ADAMTSL1: variants seen among roughly 807,000 people sequenced by gnomAD.
ADAMTSL1 encodes ADAMTS-like protein 1.
A neutral mutation model predicts 201.8 loss-of-function variants in ADAMTSL1; 126 were observed. The observed-to-expected ratio is 0.62, with a 90% CI of 0.54 to 0.72. ADAMTSL1 has a LOEUF of 0.72. Ranked by LOEUF, ADAMTSL1 falls within the 30% of genes least tolerant of loss-of-function variation. The probability of loss-of-function intolerance (pLI) is 0.00; values close to 1 mark genes in which losing one functional copy is unlikely to be tolerated. For missense variants in ADAMTSL1, 2,679 were observed against 2,277.8 expected (o/e 1.18, Z -3.59); for synonymous variants, 1,121 against 903.4 (o/e 1.24, Z -4.32).
intron 5 of ADAMTSL1, among the ~76,000 whole-genome samples, chr9:18,628,504 G>A (rs575736748): frequency 1.3e-5 from 2 of 152,248 alleles, no homozygotes; most frequent in South Asian, 2.1e-4. Flanking sequence ...AAATGTGGTA[G>A]TGTGATTTCT....
rs1437787403 is a variant in ADAMTSL1 at position 18,248,040 on chromosome 9, T to C, written c.207+84059T>C. On this transcript the variant is annotated intron_variant, in intron 2 of 29. Coordinates refer to the ADAMTSL1 transcript ENST00000680146. Reference sequence around the variant, plus strand: ...CTTATCTGTGGTTCATTCAAAAGGTTTCTCATTTGTGTACTGGCTGGGTGT... The same window carrying C: ...CTTATCTGTGGTTCATTCAAAAGGTCTCTCATTTGTGTACTGGCTGGGTGT... Among the ~76,000 whole-genome samples the C allele has an allele frequency of 2.6e-5, 4 of 152,140 alleles. No homozygotes were observed. In the East Asian group the frequency reaches 5.8e-4, roughly 22 times the overall value.
chr9:18,290,357 A>G (rs577375135), intron 2 of ADAMTSL1, among the ~76,000 whole-genome samples: 81 of 151,898 alleles, frequency 5.3e-4, no homozygotes, highest in African/African-American at 1.9e-3. Flanking sequence ...GAGAAGGGAC[A>G]GTGAGGAGAC....
At chr9:18,884,653 C>G (rs1354402824) in intron 23 of ADAMTSL1, among the ~76,000 whole-genome samples, 2 of 152,150 alleles carry the variant, frequency 1.3e-5, no homozygotes, top group Non-Finnish European at 2.9e-5. Flanking sequence ...GTTGGCAAGA[C>G]TGTCCTTTCC....
intron 1 of ADAMTSL1, among the ~76,000 whole-genome samples, chr9:17,929,705 G>A (rs1453795036): frequency 1.3e-5 from 2 of 152,102 alleles, no homozygotes; most frequent in Non-Finnish European, 2.9e-5. Context: ...ATTACTTTAT[G>A]TTCATCTGTC....
chr9:18,170,214 C>T (rs1827828239), intron 2 of ADAMTSL1, among the ~76,000 whole-genome samples: 1 of 151,982 alleles, frequency 6.6e-6, no homozygotes, highest in South Asian at 2.1e-4. Flanking sequence ...TTTCATATAA[C>T]TTCACATTTT....
intron 2 of ADAMTSL1, among the ~76,000 whole-genome samples, chr9:18,464,200 A>G (rs1820915241): frequency 6.6e-6 from 1 of 152,224 alleles, no homozygotes; most frequent in Non-Finnish European, 1.5e-5. Context: ...ATTAACTTGA[A>G]TTTCTGAGCC....
At chr9:18,876,687 C>T (rs1828181743) in intron 23 of ADAMTSL1, among the ~76,000 whole-genome samples, 1 of 152,112 alleles carries the variant, frequency 6.6e-6, no homozygotes, top group Non-Finnish European at 1.5e-5. Context: ...TCTTTAGATT[C>T]TTTCCTTTGT....
At chr9:18,670,136 T>C (rs931025086) in intron 9 of ADAMTSL1, among the ~76,000 whole-genome samples, 20 of 152,340 alleles carry the variant, frequency 1.3e-4, no homozygotes, top group Admixed American at 9.2e-4. Flanking sequence ...ACCCTTCTAC[T>C]ACACACAATT....
intron 2 of ADAMTSL1, among the ~76,000 whole-genome samples, chr9:18,366,206 T>A (rs1319704132): frequency 3.3e-5 from 5 of 151,910 alleles, no homozygotes; most frequent in African/African-American, 9.7e-5. Context: ...TATGGGTTTA[T>A]GCACATAAAC....
At chr9:17,983,393 A>G (rs1024286259) in intron 1 of ADAMTSL1, among the ~76,000 whole-genome samples, 1 of 152,028 alleles carries the variant, frequency 6.6e-6, no homozygotes, top group African/African-American at 2.4e-5. Context: ...AAAGAATCCT[A>G]GGTGATCTTA....
chr9:18,461,312 A>C (rs934220299), intron 2 of ADAMTSL1, among the ~76,000 whole-genome samples: 1 of 152,140 alleles, frequency 6.6e-6, no homozygotes, highest in African/African-American at 2.4e-5. Flanking sequence ...TTTTGTGAGG[A>C]AATCAAGTCA....
intron 19 of ADAMTSL1, among the ~76,000 whole-genome samples, chr9:18,788,648 C>T (rs776726155): frequency 3.3e-5 from 5 of 152,150 alleles, no homozygotes; most frequent in South Asian, 4.2e-4. Flanking sequence ...CACCCGCTCC[C>T]GCTTTGTGGT....
At chr9:18,331,548 C>T (rs1835028194) in intron 2 of ADAMTSL1, among the ~76,000 whole-genome samples, 1 of 152,156 alleles carries the variant, frequency 6.6e-6, no homozygotes, top group African/African-American at 2.4e-5. Flanking sequence ...AATAAGCCCC[C>T]AGGGACTCAT....
At chr9:18,424,034 G>C (rs560576923) in intron 2 of ADAMTSL1, among the ~76,000 whole-genome samples, 2 of 152,196 alleles carry the variant, frequency 1.3e-5, no homozygotes, top group African/African-American at 4.8e-5. Flanking sequence ...GAGAATGTTT[G>C]AGTTACTTAT....
At chr9:18,783,449 G>GTGAC (rs1033053169) in intron 19 of ADAMTSL1, among the ~76,000 whole-genome samples, 2 of 152,178 alleles carry the variant, frequency 1.3e-5, no homozygotes, top group African/African-American at 2.4e-5. Context: ...AGCACCACAG[G>GTGAC]TGACTCTGAA....
At chr9:18,161,224 G>A (rs1827373986) in intron 1 of ADAMTSL1, among the ~76,000 whole-genome samples, 1 of 151,982 alleles carries the variant, frequency 6.6e-6, no homozygotes, top group African/African-American at 2.4e-5. Flanking sequence ...ATTAGTGAGT[G>A]TTCAGCCTTT....
At position 18,055,719 on chromosome 9, in the gene ADAMTSL1, T is replaced by A. The variant is rs556065962; in HGVS notation, c.88-108143T>A. Among the ~76,000 whole-genome samples, 18 of 152,354 alleles carry A rather than the reference T, an allele frequency of 1.2e-4. No individual in the cohort carries two copies. The South Asian group carries it at 3.7e-3, about 32-fold the overall frequency. ...TGCATAAAATCACTGGATCTGCACA[T>A]GCCTCCAGCAGTTTAGGATATTTAT... On this transcript the variant is annotated intron_variant, in intron 1 of 29. Transcript: ENST00000680146.
At chr9:18,167,473 T>A (rs1214469650) in intron 2 of ADAMTSL1, among the ~76,000 whole-genome samples, 1 of 151,912 alleles carries the variant, frequency 6.6e-6, no homozygotes, top group East Asian at 1.9e-4. Flanking sequence ...TTAATCACAG[T>A]GTGTAAAGAG....
intron 3 of ADAMTSL1, among the ~76,000 whole-genome samples, chr9:18,536,374 A>ATAT (rs1819774096): frequency 6.6e-6 from 1 of 151,778 alleles, no homozygotes; most frequent in Admixed American, 6.6e-5. Context: ...GAACCGCTAC[A>ATAT]TATAACTTGT....
Sources: gnomAD v4.1 joint callset for allele counts (sites outside exome capture counted in the v4.1 genomes callset) on GRCh38, gnomAD v4.1.1 for gene constraint, MANE v1.5 for transcripts, NCBI Gene and HGNC (gene_info 2026-07-23, HGNC 2026-07-21) for gene names.